The following TBC1D9 variants were observed in gnomAD, a reference collection of about 807,000 sequenced individuals.
The protein encoded by TBC1D9 is TBC1 domain family member 9.
Under a neutral mutation model 132.0 loss-of-function variants are expected in TBC1D9, and 63 were observed. The observed-to-expected ratio is 0.48, with a 90% CI of 0.39 to 0.59. TBC1D9 has a LOEUF of 0.59. Among genes scored for constraint, TBC1D9 ranks in the 20% least tolerant of loss-of-function variants. TBC1D9 has a pLI of 0.00. For synonymous variants in TBC1D9, 610 were observed against 609.9 expected, an observed-to-expected ratio of 1.00 and a Z score of 0.00; for missense variants, 1,261 against 1,592.7, an observed-to-expected ratio of 0.79 and a Z score of 3.54.
intron 2 of TBC1D9, among the ~76,000 whole-genome samples, chr4:140,694,051 CTTGT>C (rs1436742147): frequency 2.6e-5 from 4 of 151,998 alleles, no homozygotes; most frequent in Non-Finnish European, 4.4e-5. Flanking sequence ...CTTTTTTTAA[CTTGT>C]TTATTTTTGC....
chr4:140,736,086 A>C (rs946921422), intron 1 of TBC1D9, among the ~76,000 whole-genome samples: 1 of 152,278 alleles, frequency 6.6e-6, no homozygotes, highest in Non-Finnish European at 1.5e-5. Context: ...GTCATTTACA[A>C]AAAGAAAGCT....
At chr4:140,729,194 T>C (rs1738547929) in intron 1 of TBC1D9, among the ~76,000 whole-genome samples, 1 of 152,174 alleles carries the variant, frequency 6.6e-6, no homozygotes, top group Non-Finnish European at 1.5e-5. Context: ...AACGACAGGA[T>C]GAAACCACCT....
intron 5 of TBC1D9, 42 bp downstream of exon 5, chr4:140,678,900 T>C (rs1477293635): frequency 1.3e-6 from 2 of 1,593,260 alleles, no homozygotes; most frequent in Non-Finnish European, 1.7e-6. Flanking sequence ...AGTGAGTTTC[T>C]CATTTCTAAA....
chr4:140,703,175 G>A (rs1738098058), intron 1 of TBC1D9, among the ~76,000 whole-genome samples: 1 of 152,154 alleles, frequency 6.6e-6, no homozygotes, highest in Admixed American at 6.5e-5. Context: ...GAGGCTAAAG[G>A]CCCCAGCCTC....
In TBC1D9 at chr4:140,624,135, T is replaced by C. The variant is rs1174613199; in HGVS notation, c.3059A>G (p.Asp1020Gly). ...ACTTACCTGATTTAATTTGGGTAAA[T>C]CCTTTGCATTCTTTGACTTAGATTT... ...ENKSKSKNAK[D>G]LPKLNQGQFI... The change falls in exon 20 of 21, where the codon GAT becomes GGT. Residue 1020 changes from aspartate to glycine, a missense_variant. Asp to Gly is a moderately conservative substitution (Grantham distance 94). Coordinates refer to ENST00000442267, the MANE Select transcript of TBC1D9 (RefSeq NM_015130.3). The C allele has an allele frequency of 6.2e-7, 1 of 1,608,808 alleles. No individual in the cohort carries two copies. The highest frequency in any genetic ancestry group is 1.7e-5 in the Admixed American group (1 of 59,416).
At chr4:140,668,263 C>A (rs62346912) in intron 9 of TBC1D9, among the ~76,000 whole-genome samples, 2 of 152,214 alleles carry the variant, frequency 1.3e-5, no homozygotes, top group Non-Finnish European at 2.9e-5. Context: ...GAATGATGGA[C>A]AGGCACAAGA....
chr4:140,731,852 T>C lies in TBC1D9; in HGVS notation c.130+24064A>G, dbSNP rs190466568. Among the ~76,000 whole-genome samples, 442 of 152,244 alleles carry C rather than the reference T, an allele frequency of 2.9e-3. 3 individuals carry two copies. Among genetic ancestry groups the C allele is most frequent in the African/African-American group, 0.01 (416 of 41,548 alleles). On this transcript the variant is annotated intron_variant, in intron 1 of 20. Coordinates refer to ENST00000442267, the MANE Select transcript of TBC1D9 (RefSeq NM_015130.3). ...AGCCAAATTTTCTTATTCTAAAACC[T>C]CTCTTCTTTCCACCATACCATAAAA...
At chr4:140,639,287 A>C in intron 14 of TBC1D9, 43 bp downstream of exon 14, 1 of 1,527,092 alleles carries the variant, frequency 6.5e-7, no homozygotes, top group Non-Finnish European at 9.0e-7. Context: ...AGTGTGAAGA[A>C]GGAAGATGAC....
Position 140,700,450 on chromosome 4 carries a change from A to C in TBC1D9, c.241+1054T>G, listed in dbSNP as rs79754406. Reference sequence around the variant, plus strand: ...GGGCAACAGAGCAAGACTCCGTCCCAAAAAAAAAACAAAAAAAAACTTGCC... The same window carrying C: ...GGGCAACAGAGCAAGACTCCGTCCCCAAAAAAAAACAAAAAAAAACTTGCC... On this transcript the variant is annotated intron_variant, in intron 2 of 20. Transcript: ENST00000442267. Among the ~76,000 whole-genome samples, 897 of 141,346 alleles carry C rather than the reference A, an allele frequency of 6.3e-3. 6 individuals are homozygous for C. Among genetic ancestry groups the C allele is most frequent in the African/African-American group, 0.023 (818 of 35,292 alleles). The allele number at this position is 141,346 out of a possible 152,430, so 92.7% of individuals were successfully genotyped here.
chr4:140,722,180 A>G (rs1738435806), intron 1 of TBC1D9, among the ~76,000 whole-genome samples: 1 of 152,220 alleles, frequency 6.6e-6, no homozygotes, highest in South Asian at 2.1e-4. Context: ...AATAGCTTCA[A>G]ATGGCATGGA....
chr4:140,686,565 T>C (rs1302308992), intron 2 of TBC1D9, 103 bp from the exon 3 acceptor site: 2 of 707,834 alleles, frequency 2.8e-6, no homozygotes, highest in Non-Finnish European at 4.8e-6. Flanking sequence ...AAGGAGACTA[T>C]CGGACCAAGA....
intron 2 of TBC1D9, chr4:140,700,796 G>A (rs999754979): frequency 6.6e-6 from 1 of 152,140 alleles, no homozygotes; most frequent in Non-Finnish European, 1.5e-5. Context: ...CTCCAGCCTA[G>A]GTGACAGAGT....
intron 9 of TBC1D9, among the ~76,000 whole-genome samples, chr4:140,665,775 C>G (rs1737432962): frequency 1.3e-5 from 2 of 152,150 alleles, no homozygotes; most frequent in Non-Finnish European, 2.9e-5. Context: ...CTCCCAGACT[C>G]AAGCAATCCT....
Position 140,709,248 on chromosome 4 carries a change from T to TCACACACA in TBC1D9, c.131-7642_131-7635dup, listed in dbSNP as rs36222926. On this transcript the variant is annotated intron_variant, in intron 1 of 20. Transcript: ENST00000442267. ...CTCTCTCTCTCTCTCTCTCTCTCTC[T>TCACACACA]CACACACACACACACACACACACAC... Among the ~76,000 whole-genome samples, 167 of 104,178 alleles carry TCACACACA rather than the reference T, an allele frequency of 1.6e-3. 2 individuals are homozygous for TCACACACA. Among genetic ancestry groups the TCACACACA allele is most frequent in the African/African-American group, 6.9e-3 (157 of 22,678 alleles). 68.3% of individuals were successfully genotyped at this position (104,178 alleles called of 152,430 possible).
chr4:140,692,093 C>T (rs1429019752), intron 2 of TBC1D9, among the ~76,000 whole-genome samples: 1 of 152,104 alleles, frequency 6.6e-6, no homozygotes, highest in East Asian at 1.9e-4. Context: ...TTGAGAAAAA[C>T]CTGTATTGCA....
chr4:140,756,111 A>G lies in TBC1D9; in HGVS notation c.-66T>C, dbSNP rs1031749300. On this transcript the variant is annotated 5_prime_UTR_variant, in exon 1 of 21. Transcript: ENST00000442267. This position sits in a 1 kb window ranked among gnomAD's most constrained non-coding sequence, Gnocchi z 5.6. Reference sequence around the variant, plus strand: ...GTCCAGTCCTGCACCCACCACCGCGACAGGCGCGCACTCCTGGGCACACGC... The same window carrying G: ...GTCCAGTCCTGCACCCACCACCGCGGCAGGCGCGCACTCCTGGGCACACGC... The G allele has an allele frequency of 5.7e-6, 8 of 1,408,240 alleles. No individual in the cohort carries two copies. The highest frequency in any genetic ancestry group is 3.8e-6 in the Non-Finnish European group (4 of 1,049,666). 87.2% of individuals were successfully genotyped at this position (1,408,240 alleles called of 1,614,324 possible).
At chr4:140,718,013 T>C (rs1176627994) in intron 1 of TBC1D9, among the ~76,000 whole-genome samples, 1 of 152,164 alleles carries the variant, frequency 6.6e-6, no homozygotes, top group Non-Finnish European at 1.5e-5. Context: ...AGCTCTGTAT[T>C]AGAACAAATA....
chr4:140,711,651 C>T (rs1427567169), intron 1 of TBC1D9, among the ~76,000 whole-genome samples: 1 of 152,188 alleles, frequency 6.6e-6, no homozygotes, highest in African/African-American at 2.4e-5. Context: ...TAATGACCTA[C>T]AATGTCTAAA....
intron 13 of TBC1D9, among the ~76,000 whole-genome samples, chr4:140,653,770 A>G (rs938365504): frequency 1.6e-4 from 24 of 152,182 alleles, no homozygotes; most frequent in African/African-American, 5.8e-4. Flanking sequence ...TCACGCACTG[A>G]AAGACCTGGT....
Sources: gnomAD v4.1 joint callset for allele counts (sites outside exome capture counted in the v4.1 genomes callset) on GRCh38, gnomAD v4.1.1 for gene constraint, Gnocchi (gnomAD v3.1) non-coding constraint, MANE v1.5 for transcripts, NCBI Gene and HGNC (gene_info 2026-07-23, HGNC 2026-07-21) for gene names.